The following NECAB1 variants were observed in gnomAD, a reference collection of about 807,000 sequenced individuals.
The protein encoded by NECAB1 is N-terminal EF-hand calcium-binding protein 1.
In NECAB1, 29 loss-of-function variants were observed where a neutral mutation model predicts 57.5. The observed-to-expected ratio is 0.50, with a 90% CI of 0.38 to 0.69. The LOEUF is 0.69. Among genes scored for constraint, NECAB1 ranks in the 30% least tolerant of loss-of-function variants. NECAB1 has a pLI of 0.00. For missense variants in NECAB1, 372 were observed against 413.8 expected, an observed-to-expected ratio of 0.90 and a Z score of 0.88; for synonymous variants, 142 against 147.7, an observed-to-expected ratio of 0.96 and a Z score of 0.28.
chr8:90,873,761 A>G (rs938166915), intron 4 of NECAB1, among the ~76,000 whole-genome samples: 1 of 152,226 alleles, frequency 6.6e-6, no homozygotes, highest in African/African-American at 2.4e-5. Flanking sequence ...ATTGTCATTA[A>G]GGAATATTGT....
In NECAB1 at chr8:90,925,589, A is replaced by G. The variant is rs1312539705; in HGVS notation, c.549A>G (p.Ser183=). The change falls in exon 7 of 13, where the codon TCA becomes TCG. Residue 183 remains serine (S), a synonymous_variant. Coordinates refer to ENST00000417640, the MANE Select transcript of NECAB1 (RefSeq NM_022351.5). Reference sequence around the variant, plus strand: ...CGATTCAATGGCCTGGAAAACGATCAAGCCGCCGAGTCCAGAGACACAACA... The same window carrying G: ...CGATTCAATGGCCTGGAAAACGATCGAGCCGCCGAGTCCAGAGACACAACA... ...VLSIQWPGKR[S]SRRVQRHNSF... 2 of 1,613,490 alleles carry G rather than the reference A, an allele frequency of 1.2e-6. No individual in the cohort carries two copies. The highest frequency in any genetic ancestry group is 2.7e-5 in the African/African-American group (2 of 74,930).
intron 5 of NECAB1, 53 bp from the exon 6 acceptor site, chr8:90,917,439 C>A: frequency 6.6e-7 from 1 of 1,507,424 alleles, no homozygotes; most frequent in South Asian, 1.4e-5. Flanking sequence ...AAAAAAAATC[C>A]TGGGTATTTT....
chr8:90,856,392 C>A (rs1812794906), intron 3 of NECAB1, among the ~76,000 whole-genome samples: 1 of 151,966 alleles, frequency 6.6e-6, no homozygotes, highest in Non-Finnish European at 1.5e-5. Flanking sequence ...GAAGTCTAAT[C>A]CAATCACCCT....
At chr8:90,950,734 C>T (rs1318839301) in intron 11 of NECAB1, among the ~76,000 whole-genome samples, 1 of 152,138 alleles carries the variant, frequency 6.6e-6, no homozygotes, top group East Asian at 1.9e-4. Flanking sequence ...GACTCTGCTT[C>T]CAGGCCAACA....
chr8:90,901,661 G>C (rs1809505857), intron 5 of NECAB1, among the ~76,000 whole-genome samples: 1 of 152,148 alleles, frequency 6.6e-6, no homozygotes, highest in Non-Finnish European at 1.5e-5. Flanking sequence ...TGTCTTTAGT[G>C]GGTTTGCTGA....
chr8:90,824,784 AT>A lies in NECAB1; in HGVS notation c.194del (p.Leu65TyrfsTer36). On this transcript the variant is annotated frameshift_variant, in exon 3 of 13. Transcript: ENST00000417640. LOFTEE classifies it high-confidence loss of function. Reference sequence around the variant, plus strand: ...CAGATGGTGTTCTCAGTGGAGAAGAATTACACGAGCTTTTCCATACCATTGA... The same window carrying A: ...CAGATGGTGTTCTCAGTGGAGAAGAATACACGAGCTTTTCCATACCATTGA... ...FADGVLSGEELHELFHTIDTH... is the reference protein window; with the variant it reads ...FADGVLSGEEXHELFHTIDTH... The A allele has an allele frequency of 6.4e-7, 1 of 1,553,328 alleles. No homozygotes were observed. Among genetic ancestry groups the A allele is most frequent in the East Asian group, 2.4e-5 (1 of 42,008 alleles).
intron 1 of NECAB1, among the ~76,000 whole-genome samples, chr8:90,797,965 T>C (rs1811690256): frequency 6.6e-6 from 1 of 152,102 alleles, no homozygotes; most frequent in Admixed American, 6.5e-5. Context: ...ACTATCACAA[T>C]AGAATGTACC....
At chr8:90,833,358 G>A (rs1198980888) in intron 3 of NECAB1, among the ~76,000 whole-genome samples, 1 of 150,426 alleles carries the variant, frequency 6.6e-6, no homozygotes, top group Non-Finnish European at 1.5e-5. Flanking sequence ...CTTATCTAGA[G>A]AATTATTTTT....
intron 9 of NECAB1, among the ~76,000 whole-genome samples, chr8:90,936,534 T>G (rs1810543525): frequency 6.6e-6 from 1 of 152,186 alleles, no homozygotes; most frequent in Non-Finnish European, 1.5e-5. Flanking sequence ...ACCCCAGACC[T>G]ATGCTCATCA....
At chr8:90,944,564 G>A (rs1248128574) in intron 10 of NECAB1, among the ~76,000 whole-genome samples, 4 of 152,154 alleles carry the variant, frequency 2.6e-5, no homozygotes, top group Admixed American at 6.5e-5. Flanking sequence ...AATATAAGTG[G>A]TGTACACGGT....
intron 3 of NECAB1, among the ~76,000 whole-genome samples, chr8:90,827,400 T>G (rs1812242440): frequency 6.6e-6 from 1 of 152,024 alleles, no homozygotes; most frequent in African/African-American, 2.4e-5. Flanking sequence ...GAGGCCCCTG[T>G]GGCTACCCAG....
At chr8:90,820,812 T>C (rs1321323664) in intron 2 of NECAB1, among the ~76,000 whole-genome samples, 1 of 151,864 alleles carries the variant, frequency 6.6e-6, no homozygotes, top group Non-Finnish European at 1.5e-5. Flanking sequence ...CAAGGAATAG[T>C]AGAAAATGGA....
chr8:90,949,146 TTGTGTG>T (rs59311652), intron 10 of NECAB1, among the ~76,000 whole-genome samples: 8,115 of 129,960 alleles, frequency 0.062, 219 homozygotes, highest in Middle Eastern at 0.1. Context: ...AACAGGCACT[TTGTGTG>T]TGTGTGTGTG....
At chr8:90,850,414 A>G (rs547450278) in intron 3 of NECAB1, among the ~76,000 whole-genome samples, 84 of 152,342 alleles carry the variant, frequency 5.5e-4, no homozygotes, top group African/African-American at 1.9e-3. Flanking sequence ...AAATTAATGA[A>G]CAACAGAAAG....
intron 5 of NECAB1, among the ~76,000 whole-genome samples, chr8:90,893,249 T>C (rs1218823623): frequency 6.6e-6 from 1 of 151,728 alleles, no homozygotes; most frequent in African/African-American, 2.4e-5. Context: ...TCGGTGGGGG[T>C]AGAGGGGAGA....
At chr8:90,854,330 G>C (rs1361374801) in intron 3 of NECAB1, among the ~76,000 whole-genome samples, 1 of 152,132 alleles carries the variant, frequency 6.6e-6, no homozygotes, top group Admixed American at 6.5e-5. Flanking sequence ...GTCTGTAATT[G>C]AAGTACTCAT....
intron 11 of NECAB1, among the ~76,000 whole-genome samples, chr8:90,950,466 A>G (rs1213402285): frequency 1.3e-5 from 2 of 152,186 alleles, no homozygotes; most frequent in Non-Finnish European, 2.9e-5. Flanking sequence ...GGAATGAAAG[A>G]AATGTTTGCT....
chr8:90,956,210 G>A lies in NECAB1; in HGVS notation c.*698G>A, dbSNP rs1188730827. 1 of 151,980 alleles carries A rather than the reference G, an allele frequency of 6.6e-6. No homozygotes were observed. 9.4% of individuals were successfully genotyped at this position (151,980 alleles called of 1,614,324 possible). A position where few individuals can be genotyped will look rare whatever the true frequency, so the allele number is the denominator to read the frequency against. On this transcript the variant is annotated 3_prime_UTR_variant, in exon 13 of 13. Transcript: ENST00000417640. ...TATTAGCATCATAATTCTTTGTTAT[G>A]TAAGTTAAATATATCAAGAAAGAAG...
chr8:90,881,566 T>C (rs1808838903), intron 5 of NECAB1, among the ~76,000 whole-genome samples: 1 of 152,118 alleles, frequency 6.6e-6, no homozygotes, highest in African/African-American at 2.4e-5. Flanking sequence ...TTTAAAAGTG[T>C]ATGGCGCTTC....
Sources: gnomAD v4.1 joint callset for allele counts (sites outside exome capture counted in the v4.1 genomes callset) on GRCh38, gnomAD v4.1.1 for gene constraint, MANE v1.5 for transcripts, NCBI Gene and HGNC (gene_info 2026-07-23, HGNC 2026-07-21) for gene names.